GRIK5: variants seen among roughly 807,000 people sequenced by gnomAD.
GRIK5 encodes glutamate receptor ionotropic, kainate 5.
A neutral mutation model predicts 97.4 loss-of-function variants in GRIK5; 43 were observed. The observed-to-expected ratio is 0.44, with a 90% CI of 0.35 to 0.57. GRIK5 has a LOEUF of 0.57. Ranked by LOEUF, GRIK5 falls within the 20% of genes least tolerant of loss-of-function variation. The pLI is 0.01. For missense variants in GRIK5, 1,015 were observed against 1,382.0 expected (o/e 0.73, Z 4.21); for synonymous variants, 580 against 583.5 (o/e 0.99, Z 0.09).
At chr19:42,055,389 G>A (rs1258384963) in intron 8 of GRIK5, among the ~76,000 whole-genome samples, 1 of 152,192 alleles carries the variant, frequency 6.6e-6, no homozygotes, top group Non-Finnish European at 1.5e-5. Context: ...TGGTGTCTTG[G>A]TATCTGAGTA....
chr19:42,066,595 G>C (rs1262144097), intron 1 of GRIK5, among the ~76,000 whole-genome samples: 1 of 151,922 alleles, frequency 6.6e-6, no homozygotes, highest in African/African-American at 2.4e-5. Context: ...GAAATACAAG[G>C]GAAGAGAAAG....
At position 42,022,228 on chromosome 19, in the gene GRIK5, A is replaced by T. The variant is rs771814588; in HGVS notation, c.1587+13T>A. ...GCCAGGCAAGCAGCCCATGGTCTCC[A>T]GGGGAACCATACCATGTGCACTCGG... is the stretch of plus-strand genomic sequence containing the variant. On this transcript the variant is annotated intron_variant, in intron 13 of 19. Transcript: ENST00000593562. The surrounding 1 kb of genome is among the most constrained non-coding windows in gnomAD (Gnocchi z 4.2). 2 of 1,584,362 alleles carry T rather than the reference A, an allele frequency of 1.3e-6. No homozygotes were observed. Among genetic ancestry groups the T allele is most frequent in the South Asian group, 1.1e-5 (1 of 90,530 alleles).
intron 8 of GRIK5, 64 bp from the exon 9 acceptor site, chr19:42,054,536 G>T: frequency 6.3e-7 from 1 of 1,575,808 alleles, no homozygotes; most frequent in Non-Finnish European, 8.6e-7. Context: ...GAGCCCCAAA[G>T]GCCCCTGAGC....
At chr19:42,054,628 G>A (rs920701997) in intron 8 of GRIK5, among the ~76,000 whole-genome samples, 156 bp from the exon 9 acceptor site, 4 of 152,126 alleles carry the variant, frequency 2.6e-5, no homozygotes, top group Admixed American at 2.6e-4. Flanking sequence ...AGTGGCTCTG[G>A]TGTCTTTCTT....
At chr19:42,013,187 C>CA (rs59687748) in intron 15 of GRIK5, among the ~76,000 whole-genome samples, 1,298 of 127,292 alleles carry the variant, frequency 0.01, 11 homozygotes, top group African/African-American at 0.025. Flanking sequence ...GAACTCTCTA[C>CA]AAAAAAAAAA....
rs1555870416 is a variant in GRIK5 at position 41,999,311 on chromosome 19, G to A, written c.2515-12C>T. 13 of 1,506,348 alleles carry A rather than the reference G, an allele frequency of 8.6e-6. No homozygotes were observed. Among genetic ancestry groups the A allele is most frequent in the African/African-American group, 1.4e-5 (1 of 69,320 alleles). 93.3% of individuals were successfully genotyped at this position (1,506,348 alleles called of 1,614,324 possible). Reference sequence around the variant, plus strand: ...TGGCACACCGACACCTGGGGGTGGCGCGGGCGGTCACCGTCCCGGCGCAGT... The same window carrying A: ...TGGCACACCGACACCTGGGGGTGGCACGGGCGGTCACCGTCCCGGCGCAGT... On this transcript the variant is annotated splice_polypyrimidine_tract_variant and intron_variant, in intron 19 of 19. Coordinates refer to ENST00000593562, the MANE Select transcript of GRIK5 (RefSeq NM_002088.5). This position sits in a 1 kb window ranked among gnomAD's most constrained non-coding sequence, Gnocchi z 5.0.
intron 15 of GRIK5, among the ~76,000 whole-genome samples, chr19:42,018,672 G>T (rs2066537244): frequency 1.5e-5 from 1 of 66,334 alleles, no homozygotes; most frequent in African/African-American, 5.2e-5. Flanking sequence ...AAAAAGCGGG[G>T]GGGGGGGGGG....
intron 3 of GRIK5, among the ~76,000 whole-genome samples, chr19:42,064,161 G>A (rs892017989): frequency 6.6e-6 from 1 of 152,138 alleles, no homozygotes. Flanking sequence ...ATATATCAGA[G>A]TACACACTCA....
chr19:42,062,597 G>A lies in GRIK5; in HGVS notation c.399C>T (p.Phe133=), dbSNP rs371423893. Reference sequence around the variant, plus strand: ...TACTGGGGTACAGGCTGACAGACGCGAAGCGAAGGTACTGAAGGCGGGGTG... The same window carrying A: ...TACTGGGGTACAGGCTGACAGACGCAAAGCGAAGGTACTGAAGGCGGGGTG... ...EETPRLQYLR[F]ASVSLYPSNE... The change falls in exon 5 of 20, where the codon TTC becomes TTT. Residue 133 remains phenylalanine (F), a synonymous_variant. Coordinates refer to ENST00000593562, the MANE Select transcript of GRIK5 (RefSeq NM_002088.5). This position sits in a 1 kb window ranked among gnomAD's most constrained non-coding sequence, Gnocchi z 5.3. 61 of 1,614,046 alleles carry A rather than the reference G, an allele frequency of 3.8e-5. No individual in the cohort carries two copies. The South Asian group carries it at 4.6e-4, about 12-fold the overall frequency.
intron 5 of GRIK5, among the ~76,000 whole-genome samples, chr19:42,061,588 T>C (rs2076260212): frequency 6.6e-6 from 1 of 152,220 alleles, no homozygotes; most frequent in Non-Finnish European, 1.5e-5. Context: ...ACATCTCACA[T>C]GAATGTCTCA....
chr19:42,035,929 A>G (rs2146090058), intron 12 of GRIK5, among the ~76,000 whole-genome samples: 1 of 152,214 alleles, frequency 6.6e-6, no homozygotes, highest in East Asian at 1.9e-4. Flanking sequence ...GGTATGCAAA[A>G]ATGCTTTTTA....
intron 12 of GRIK5, among the ~76,000 whole-genome samples, chr19:42,027,540 T>G (rs1368213880): frequency 1.3e-5 from 2 of 152,148 alleles, no homozygotes; most frequent in Non-Finnish European, 2.9e-5. Context: ...TGGAGGACAT[T>G]GCATGAGGAT....
chr19:42,057,772 A>G (rs2076206915), intron 6 of GRIK5, among the ~76,000 whole-genome samples: 1 of 152,182 alleles, frequency 6.6e-6, no homozygotes, highest in Non-Finnish European at 1.5e-5. Context: ...GATTCCCTGC[A>G]ATCTTTAAAA....
chr19:42,056,958 G>A lies in GRIK5; in HGVS notation c.708C>T (p.Thr236=). 6.4e-7 allele frequency: 1 copy of A among 1,562,396 alleles called. No homozygotes were observed. Among genetic ancestry groups the A allele is most frequent in the Non-Finnish European group, 8.7e-7 (1 of 1,153,040 alleles). ...TGAGGATGTACTTGTAAAACGCTGAGGTCATTCCCAGTTCCGAGGCCTGGA... is the reference window on the plus strand; with the variant it reads ...TGAGGATGTACTTGTAAAACGCTGAAGTCATTCCCAGTTCCGAGGCCTGGA... ...ILRKASELGM[T]SAFYKYILTT... The change falls in exon 7 of 20, where the codon ACC becomes ACT. Residue 236 remains threonine (T), a synonymous_variant. Coordinates refer to ENST00000593562, the MANE Select transcript of GRIK5 (RefSeq NM_002088.5).
At position 42,062,889 on chromosome 19, in the gene GRIK5, G is replaced by A. The variant is rs1237692985; in HGVS notation, c.245-34C>T. 4 of 1,518,676 alleles carry A rather than the reference G, an allele frequency of 2.6e-6. No homozygotes were observed. Among genetic ancestry groups the A allele is most frequent in the Non-Finnish European group, 3.7e-6 (4 of 1,093,882 alleles). The allele number at this position is 1,518,676 out of a possible 1,614,324, so 94.1% of individuals were successfully genotyped here. ...GAAGGGGAAGAGACCGCAGAGTCAG[G>A]GACCCCCTGCCTCCTCTCCTTCCCC... On this transcript the variant is annotated intron_variant, in intron 3 of 19. Coordinates refer to ENST00000593562, the MANE Select transcript of GRIK5 (RefSeq NM_002088.5). The surrounding 1 kb of genome is among the most constrained non-coding windows in gnomAD (Gnocchi z 5.3).
In GRIK5 at chr19:42,013,391, T is replaced by C. The variant is rs113211475; in HGVS notation, c.1872-6581A>G. Among the ~76,000 whole-genome samples, 34 of 150,262 alleles carry C rather than the reference T, an allele frequency of 2.3e-4. 1 individual carries two copies. Among genetic ancestry groups the C allele is most frequent in the African/African-American group, 7.5e-4 (31 of 41,264 alleles). ...GATAAATATTTAAAAACATCTTTTT[T>C]TTTCTTTTTTTCTTTTCTTTTTTTT... On this transcript the variant is annotated intron_variant, in intron 15 of 19. Coordinates refer to ENST00000593562, the MANE Select transcript of GRIK5 (RefSeq NM_002088.5).
At chr19:42,040,581 G>A (rs925885671) in intron 12 of GRIK5, among the ~76,000 whole-genome samples, 3 of 152,154 alleles carry the variant, frequency 2.0e-5, no homozygotes, top group African/African-American at 7.2e-5. Context: ...CCCTGGGCTG[G>A]GTGTGGTGTC....
In GRIK5 at chr19:42,036,622, C is replaced by T. The variant is rs188482609; in HGVS notation, c.1473+5930G>A. On this transcript the variant is annotated intron_variant, in intron 12 of 19. Transcript: ENST00000593562. ...CCTCCCACTTCGGCCTCCCAAAGTA[C>T]TGGGATTACAGGCGTAAGCCACCAT... 2.4e-4 allele frequency among the ~76,000 whole-genome samples: 36 copies of T among 152,366 alleles called. 1 individual carries two copies. Among genetic ancestry groups the T allele is most frequent in the Admixed American group, 1.9e-3 (29 of 15,298 alleles).
At position 42,002,507 on chromosome 19, in the gene GRIK5, G is replaced by A. The variant is rs1555871223; in HGVS notation, c.2514+825C>T. ...TCCTTCAGAGGAGTCCTTGGGCCAAGTGCAGAACACTGGCAGGCAGCTGGA... is the reference window on the plus strand; with the variant it reads ...TCCTTCAGAGGAGTCCTTGGGCCAAATGCAGAACACTGGCAGGCAGCTGGA... On this transcript the variant is annotated intron_variant, in intron 19 of 19. Coordinates refer to ENST00000593562, the MANE Select transcript of GRIK5 (RefSeq NM_002088.5). This position sits in a 1 kb window ranked among gnomAD's most constrained non-coding sequence, Gnocchi z 5.2. 1.4e-6 allele frequency: 1 copy of A among 712,642 alleles called. No homozygotes were observed. The highest frequency in any genetic ancestry group is 1.5e-5 in the South Asian group (1 of 67,086). 44.1% of individuals were successfully genotyped at this position (712,642 alleles called of 1,614,324 possible).
Sources: gnomAD v4.1 joint callset for allele counts (sites outside exome capture counted in the v4.1 genomes callset) on GRCh38, gnomAD v4.1.1 for gene constraint, Gnocchi (gnomAD v3.1) non-coding constraint, MANE v1.5 for transcripts, NCBI Gene and HGNC (gene_info 2026-07-23, HGNC 2026-07-21) for gene names.